Variants in NXPE2 observed in about 807,000 individuals in gnomAD.
The protein encoded by NXPE2 is neurexophilin and PC-esterase domain family member 2, also known as NXPE family member 2.
Under a neutral mutation model 34.4 loss-of-function variants are expected in NXPE2, and 34 were observed. That is an observed-to-expected ratio of 0.99 (90% CI 0.75 to 1.31). The LOEUF (loss-of-function observed/expected upper bound fraction) is 1.31. Among genes scored for constraint, NXPE2 ranks in the 40% most tolerant of loss-of-function variants. NXPE2 has a pLI of 0.00. For missense variants in NXPE2, 649 were observed against 672.5 expected (o/e 0.97, Z 0.39); for synonymous variants, 235 against 231.3 (o/e 1.02, Z -0.15).
chr11:114,509,370 T>A, the NXPE2 span, among the ~76,000 whole-genome samples: 4 of 152,208 alleles, frequency 2.6e-5, no homozygotes, highest in African/African-American at 9.6e-5. Flanking sequence ...TGACAATTCC[T>A]TAAAGACCTA....
the NXPE2 span, among the ~76,000 whole-genome samples, chr11:114,618,583 G>A: frequency 7.2e-5 from 11 of 152,156 alleles, no homozygotes; most frequent in African/African-American, 2.2e-4. Flanking sequence ...TTGCCTCGTG[G>A]GTAACAACTG....
At chr11:114,686,068 C>T (rs138622188) in intron 2 of NXPE2, among the ~76,000 whole-genome samples, 29 of 152,046 alleles carry the variant, frequency 1.9e-4, no homozygotes, top group Admixed American at 1.4e-3. Flanking sequence ...AAAAAAACTC[C>T]GTAAAGGGTA....
the NXPE2 span, among the ~76,000 whole-genome samples, chr11:114,748,845 CAATT>C: frequency 6.6e-6 from 1 of 152,254 alleles, no homozygotes; most frequent in East Asian, 1.9e-4. Flanking sequence ...ATCAAACTTT[CAATT>C]TATTTATTGA....
At chr11:114,582,789 G>C in the NXPE2 span, 2 of 1,614,160 alleles carry the variant, frequency 1.2e-6, no homozygotes, top group Non-Finnish European at 1.7e-6. Flanking sequence ...CCTGCAGTAC[G>C]TATCTCGAGG....
chr11:114,610,637 A>T, the NXPE2 span, among the ~76,000 whole-genome samples: 1 of 141,116 alleles, frequency 7.1e-6, no homozygotes. Context: ...GTGTTGCCTC[A>T]TGGGTAACCA....
chr11:114,497,765 T>C, the NXPE2 span, among the ~76,000 whole-genome samples: 1 of 152,220 alleles, frequency 6.6e-6, no homozygotes, highest in Non-Finnish European at 1.5e-5. Context: ...ATTCCACATA[T>C]TTTATTATGC....
At chr11:114,766,958 G>T in the NXPE2 span, among the ~76,000 whole-genome samples, 1 of 151,744 alleles carries the variant, frequency 6.6e-6, no homozygotes, top group East Asian at 1.9e-4. Flanking sequence ...TCTTACCCCA[G>T]GAAGAATTAC....
chr11:114,502,179 C>A, the NXPE2 span, among the ~76,000 whole-genome samples: 1 of 152,124 alleles, frequency 6.6e-6, no homozygotes, highest in African/African-American at 2.4e-5. Flanking sequence ...CATTTTATAT[C>A]TCTTGGGTGT....
the NXPE2 span, among the ~76,000 whole-genome samples, chr11:114,625,031 G>A: frequency 2.7e-4 from 41 of 151,988 alleles, no homozygotes; most frequent in African/African-American, 8.7e-4. Flanking sequence ...GTGTTGCCTC[G>A]GGGGTAAACA....
chr11:114,537,262 G>T, the NXPE2 span, among the ~76,000 whole-genome samples: 1 of 152,144 alleles, frequency 6.6e-6, no homozygotes, highest in Non-Finnish European at 1.5e-5. Context: ...AATAAATTAG[G>T]TATTGATGGG....
the NXPE2 span, among the ~76,000 whole-genome samples, chr11:114,774,162 T>C: frequency 6.6e-6 from 1 of 152,234 alleles, no homozygotes; most frequent in Non-Finnish European, 1.5e-5. Flanking sequence ...CAGAGCATGT[T>C]CCATGTTTCT....
At chr11:114,748,077 T>G in the NXPE2 span, among the ~76,000 whole-genome samples, 2 of 152,238 alleles carry the variant, frequency 1.3e-5, no homozygotes, top group Non-Finnish European at 1.5e-5. Context: ...TTTCTGTGCC[T>G]GGCTTATTTC....
chr11:114,472,567 G>A, the NXPE2 span, among the ~76,000 whole-genome samples: 1 of 152,150 alleles, frequency 6.6e-6, no homozygotes, highest in African/African-American at 2.4e-5. Flanking sequence ...TAACAAAATA[G>A]CATAGACTGG....
At chr11:114,733,702 C>A in the NXPE2 span, among the ~76,000 whole-genome samples, 10 of 152,118 alleles carry the variant, frequency 6.6e-5, no homozygotes, top group African/African-American at 1.2e-4. Context: ...GGGGTGTGAT[C>A]ATCTTATGGG....
chr11:114,556,586 C>G, the NXPE2 span, among the ~76,000 whole-genome samples: 2 of 151,946 alleles, frequency 1.3e-5, no homozygotes, highest in Non-Finnish European at 2.9e-5. Context: ...GATAAGAGCC[C>G]TTAAAGCTGG....
chr11:114,593,571 T>C, the NXPE2 span, among the ~76,000 whole-genome samples: 7 of 152,168 alleles, frequency 4.6e-5, no homozygotes, highest in Non-Finnish European at 7.4e-5. Context: ...TGTACACTGT[T>C]GGTGGGAATG....
rs963283302 is a variant in NXPE2, at chr11:114,693,908, A to T, written c.133-4137A>T. On this transcript the variant is annotated intron_variant, in intron 2 of 5. Coordinates refer to ENST00000389586, the MANE Select transcript of NXPE2 (RefSeq NM_182495.6). ...GTGGCTTAAACAATGCAAATTTATTATGTTGCACTTCTGGAGGTCAGAATT... is the reference window on the plus strand; with the variant it reads ...GTGGCTTAAACAATGCAAATTTATTTTGTTGCACTTCTGGAGGTCAGAATT... Among the ~76,000 whole-genome samples the T allele has an allele frequency of 2.6e-5, 4 of 152,202 alleles. No individual in the cohort carries two copies. In the East Asian group the frequency reaches 7.7e-4, roughly 29 times the overall value.
chr11:114,465,078 TG>T, the NXPE2 span, among the ~76,000 whole-genome samples: 1 of 152,208 alleles, frequency 6.6e-6, no homozygotes, highest in African/African-American at 2.4e-5. Flanking sequence ...CACTTACTGG[TG>T]AGAATGTAAA....
the NXPE2 span, among the ~76,000 whole-genome samples, chr11:114,497,606 A>G: frequency 6.9e-4 from 105 of 152,356 alleles, no homozygotes; most frequent in African/African-American, 2.3e-3. Flanking sequence ...GCAATAGGCA[A>G]TATCATATAG....
Sources: allele counts gnomAD v4.1 joint callset (sites outside exome capture counted in the v4.1 genomes callset), GRCh38; gene constraint gnomAD v4.1.1; transcripts MANE v1.5; gene names NCBI Gene and HGNC (gene_info 2026-07-23, HGNC 2026-07-21).